The following GPATCH8 variants were observed in gnomAD, a reference collection of about 807,000 sequenced individuals.
GPATCH8 encodes the protein G patch domain-containing protein 8.
Under a neutral mutation model 118.3 loss-of-function variants are expected in GPATCH8, and 18 were observed. The observed-to-expected ratio is 0.15, with a 90% CI of 0.11 to 0.23. The LOEUF (loss-of-function observed/expected upper bound fraction) is 0.23, where lower values mean the gene tolerates loss of function less well. GPATCH8 is among the 10% of genes least tolerant of loss of function. GPATCH8 has a pLI of 1.00. For missense variants in GPATCH8, 1,631 were observed against 1,873.8 expected, an observed-to-expected ratio of 0.87 and a Z score of 2.39; for synonymous variants, 659 against 684.7, an observed-to-expected ratio of 0.96 and a Z score of 0.59.
At chr17:44,474,635 T>C (rs1255232106) in intron 2 of GPATCH8, 194 bp downstream of exon 2, 4 of 672,636 alleles carry the variant, frequency 5.9e-6, no homozygotes, top group Non-Finnish European at 1.1e-5. Context: ...CTAGATTTTT[T>C]TGGACTGATT....
intron 2 of GPATCH8, among the ~76,000 whole-genome samples, chr17:44,472,819 C>T (rs1967400038): frequency 6.6e-6 from 1 of 151,978 alleles, no homozygotes; most frequent in Non-Finnish European, 1.5e-5. Context: ...CATCAGCCTC[C>T]CGAGTAGCTG....
At chr17:44,487,230 G>T (rs1357118783) in intron 1 of GPATCH8, among the ~76,000 whole-genome samples, 1 of 152,090 alleles carries the variant, frequency 6.6e-6, no homozygotes, top group Admixed American at 6.6e-5. Context: ...GCCTTTTCCA[G>T]GATGTCATAT....
intron 1 of GPATCH8, among the ~76,000 whole-genome samples, chr17:44,483,860 G>A (rs531479105): frequency 7.5e-6 from 1 of 132,514 alleles, no homozygotes; most frequent in East Asian, 2.1e-4. Context: ...TTGTTGTTTT[G>A]AGACAGAGTC....
At chr17:44,496,669 G>A (rs1226625934) in intron 1 of GPATCH8, among the ~76,000 whole-genome samples, 1 of 152,160 alleles carries the variant, frequency 6.6e-6, no homozygotes, top group African/African-American at 2.4e-5. Context: ...TACTATCTAT[G>A]GGGCTTACTA....
chr17:44,417,571 G>T (rs1031947166), intron 6 of GPATCH8, among the ~76,000 whole-genome samples: 2 of 152,186 alleles, frequency 1.3e-5, no homozygotes, highest in African/African-American at 4.8e-5. Context: ...ATCTGGATCA[G>T]ACTACCAGAG....
At chr17:44,464,942 T>G in intron 2 of GPATCH8, 1 of 180,554 alleles carries the variant, frequency 5.5e-6, no homozygotes, top group Non-Finnish European at 1.2e-5. Flanking sequence ...GATTTTTTTT[T>G]TTTTAAAGAA....
intron 3 of GPATCH8, among the ~76,000 whole-genome samples, chr17:44,448,953 T>G (rs1249752353): frequency 1.3e-5 from 2 of 152,144 alleles, no homozygotes; most frequent in Non-Finnish European, 2.9e-5. Flanking sequence ...CTATTTGCAT[T>G]AAAAAATGGG....
In GPATCH8 at chr17:44,399,632, A is replaced by G; in HGVS notation, c.2445T>C (p.Ser815=). The G allele has an allele frequency of 6.2e-7, 1 of 1,614,046 alleles. No homozygotes were observed. The highest frequency in any genetic ancestry group is 8.5e-7 in the Non-Finnish European group (1 of 1,179,968). ...AAGCATCATCACTATCCTCATCTCCACTACTGGGTTGGCTCCGATGGCTAG... is the reference window on the plus strand; with the variant it reads ...AAGCATCATCACTATCCTCATCTCCGCTACTGGGTTGGCTCCGATGGCTAG... The part of the protein sequence containing the change: ...SRSSHRSQPS[S]GDEDSDDASS... Residue 815 remains serine, a synonymous_variant, in exon 8 of 8, where the codon AGT becomes AGC. Transcript: ENST00000591680.
At chr17:44,474,228 C>G (rs1461845564) in intron 2 of GPATCH8, among the ~76,000 whole-genome samples, 2 of 151,934 alleles carry the variant, frequency 1.3e-5, no homozygotes, top group East Asian at 3.9e-4. Flanking sequence ...AACTAAGAGC[C>G]AGGTAAATAA....
rs139857462 is a variant in GPATCH8, at chr17:44,488,529, G to A, written c.46-13626C>T. Among the ~76,000 whole-genome samples the A allele has an allele frequency of 5.4e-3, 809 of 150,912 alleles. 4 individuals are homozygous for A. The highest frequency in any genetic ancestry group is 7.5e-3 in the Non-Finnish European group (509 of 67,760). ...GGATTACAGGTGCGTGCCACCAAGC[G>A]TAGCTAACTTTTTGTATTTTTAATA... On this transcript the variant is annotated intron_variant, in intron 1 of 7. Coordinates refer to ENST00000591680, the MANE Select transcript of GPATCH8 (RefSeq NM_001002909.4).
intron 1 of GPATCH8, among the ~76,000 whole-genome samples, chr17:44,477,440 T>C (rs1421503298): frequency 6.6e-6 from 1 of 152,166 alleles, no homozygotes; most frequent in Non-Finnish European, 1.5e-5. Context: ...CTCACTATGT[T>C]GCCCAGGCTG....
chr17:44,487,486 A>G (rs1968875829), intron 1 of GPATCH8, among the ~76,000 whole-genome samples: 1 of 152,188 alleles, frequency 6.6e-6, no homozygotes. Context: ...GTTTTTGTGT[A>G]GACTTAAGTT....
intron 6 of GPATCH8, among the ~76,000 whole-genome samples, chr17:44,421,653 C>T (rs750569478): frequency 1.5e-4 from 23 of 148,990 alleles, no homozygotes; most frequent in Admixed American, 4.0e-4. Flanking sequence ...CACGAGCCAC[C>T]GCACCTGGCC....
intron 3 of GPATCH8, chr17:44,436,829 G>A (rs1288958625): frequency 2.4e-6 from 1 of 425,166 alleles, no homozygotes; most frequent in South Asian, 2.8e-5. Flanking sequence ...AATGGCATCA[G>A]GAGGTTTAAA....
chr17:44,401,046 T>C lies in GPATCH8; in HGVS notation c.1031A>G (p.Gln344Arg). Residue 344 changes from glutamine to arginine, a missense_variant, in exon 8 of 8, where the codon CAG becomes CGG. Gln to Arg is a conservative substitution (Grantham distance 43, BLOSUM62 1). Around this residue, in one of 8 missense-constraint regions of GPATCH8, gnomAD observed 405 missense variants for 462.7 expected, o/e 0.88. Transcript: ENST00000591680. The stretch of plus-strand genomic sequence containing the variant: ...GCTCCCATCAGAGTCTCCTACCTTC[T>C]GCAGTCCTTGGTCAGAACTCTTCTC... The part of the protein sequence containing the change: ...PDEKSSDQGL[Q>R]KVGDSDGSSN... The C allele has an allele frequency of 6.2e-7, 1 of 1,614,192 alleles. No individual in the cohort carries two copies. Among genetic ancestry groups the C allele is most frequent in the Non-Finnish European group, 8.5e-7 (1 of 1,180,014 alleles).
At position 44,399,505 on chromosome 17, in the gene GPATCH8, G is replaced by A. The variant is rs761817834; in HGVS notation, c.2572C>T (p.Arg858Trp). 5 of 1,614,004 alleles carry A rather than the reference G, an allele frequency of 3.1e-6. No individual in the cohort carries two copies. Among genetic ancestry groups the A allele is most frequent in the South Asian group, 2.2e-5 (2 of 91,082 alleles). Residue 858 changes from arginine to tryptophan, a missense_variant, in exon 8 of 8, where the codon CGG becomes TGG. By Grantham distance (101) the Arg-to-Trp change is moderately radical. Transcript: ENST00000591680. ...EHSRSRSRSG[R>W]RHSSHRSSRR... ...GAGGAACGATGCGAGGAATGGCGCC[G>A]GCCAGACCTTGAGCGGCTGCGGGAA...
intron 6 of GPATCH8, among the ~76,000 whole-genome samples, chr17:44,420,753 AT>A (rs140197006): frequency 0.012 from 1,859 of 152,316 alleles, 32 homozygotes; most frequent in African/African-American, 0.037. Flanking sequence ...CAACACATTA[AT>A]GCTGTCAATG....
At chr17:44,481,011 G>A (rs1968192810) in intron 1 of GPATCH8, among the ~76,000 whole-genome samples, 2 of 152,168 alleles carry the variant, frequency 1.3e-5, no homozygotes, top group African/African-American at 4.8e-5. Context: ...TGGGGCTTAA[G>A]CAATCCTTCC....
In GPATCH8 at chr17:44,403,418, T is replaced by C. The variant is rs539200147; in HGVS notation, c.624-1965A>G. ...AAATTTTGCAGAGACAGAGTCTTGC[T>C]ATGTTGACCAGTTTGGTCTTGAACA... is the stretch of plus-strand genomic sequence containing the variant. On this transcript the variant is annotated intron_variant, in intron 7 of 7. Coordinates refer to ENST00000591680, the MANE Select transcript of GPATCH8 (RefSeq NM_001002909.4). Among the ~76,000 whole-genome samples the C allele has an allele frequency of 2.0e-5, 3 of 152,098 alleles. No homozygotes were observed. The South Asian group carries it at 6.2e-4, about 32-fold the overall frequency.
Sources: gnomAD v4.1 joint callset for allele counts (sites outside exome capture counted in the v4.1 genomes callset) on GRCh38, gnomAD v4.1.1 for gene constraint, gnomAD v4.1.1 regional missense constraint, MANE v1.5 for transcripts, NCBI Gene and HGNC (gene_info 2026-07-23, HGNC 2026-07-21) for gene names.